RICTOR: variants seen among roughly 807,000 people sequenced by gnomAD.
RICTOR encodes the protein rapamycin-insensitive companion of mTOR.
RICTOR carries 49 observed loss-of-function variants against 214.9 expected under a neutral mutation model. The ratio of observed to expected loss-of-function variants is 0.23; its 90% CI spans 0.18 to 0.29. RICTOR has a LOEUF of 0.29. RICTOR is among the 10% of genes least tolerant of loss of function. The pLI is 1.00. For missense variants in RICTOR, 1,625 were observed against 2,047.0 expected, an observed-to-expected ratio of 0.79 and a Z score of 3.98; for synonymous variants, 717 against 711.3, an observed-to-expected ratio of 1.01 and a Z score of -0.13.
In RICTOR at chr5:39,056,523, C is replaced by G. The variant is rs544520298; in HGVS notation, c.97+17588G>C. 2.0e-5 allele frequency among the ~76,000 whole-genome samples: 3 copies of G among 152,092 alleles called. No homozygotes were observed. In the East Asian group the frequency reaches 5.8e-4, roughly 29 times the overall value. On this transcript the variant is annotated intron_variant, in intron 2 of 37. Transcript: ENST00000357387. ...TGGTGGCGTGTGCCTGTACTCCCAA[C>G]TACGTGGGGGTGCTGAAGTGACAGG... is the stretch of plus-strand genomic sequence containing the variant.
At chr5:39,046,028 A>AATAAATAAAT in intron 2 of RICTOR, among the ~76,000 whole-genome samples, 1 of 140,236 alleles carries the variant, frequency 7.1e-6, no homozygotes, top group South Asian at 2.3e-4. Flanking sequence ...TCTGTCTTTA[A>AATAAATAAAT]AAATAAATAA....
At chr5:39,032,798 T>C (rs1459114224) in intron 2 of RICTOR, among the ~76,000 whole-genome samples, 1 of 152,224 alleles carries the variant, frequency 6.6e-6, no homozygotes, top group Admixed American at 6.5e-5. Flanking sequence ...TGAGAGGCAA[T>C]GATACGGACA....
rs1243392061 is a variant in RICTOR, at chr5:38,996,925, A to G, written c.393-43T>C. On this transcript the variant is annotated intron_variant, in intron 5 of 37. Transcript: ENST00000357387. ...TATTAATCATTGATAAAATTCTATTAAACAACTTTTTGTATCACAATACTG... is the reference window on the plus strand; with the variant it reads ...TATTAATCATTGATAAAATTCTATTGAACAACTTTTTGTATCACAATACTG... 2.2e-6 allele frequency: 3 copies of G among 1,388,630 alleles called. No individual in the cohort carries two copies. The African/African-American group carries it at 4.2e-5, about 20-fold the overall frequency. 86.0% of individuals were successfully genotyped at this position (1,388,630 alleles called of 1,614,324 possible).
At chr5:39,038,805 T>G (rs562323244) in intron 2 of RICTOR, among the ~76,000 whole-genome samples, 2,576 of 151,944 alleles carry the variant, frequency 0.017, 66 homozygotes, top group African/African-American at 0.059. Flanking sequence ...CACTGCTCAA[T>G]GAAATAAAAG....
At chr5:39,027,007 T>A (rs1352742292) in intron 2 of RICTOR, among the ~76,000 whole-genome samples, 1 of 151,686 alleles carries the variant, frequency 6.6e-6, no homozygotes, top group Non-Finnish European at 1.5e-5. Flanking sequence ...AAACCCCATC[T>A]CAAAAAAATA....
intron 3 of RICTOR, among the ~76,000 whole-genome samples, chr5:39,015,630 G>A (rs918791294): frequency 4.0e-5 from 6 of 151,722 alleles, no homozygotes; most frequent in African/African-American, 1.5e-4. Flanking sequence ...ATAATCATCT[G>A]GCTCAATTTG....
At chr5:38,965,681 A>G (rs1037075511) in intron 15 of RICTOR, among the ~76,000 whole-genome samples, 3 of 152,052 alleles carry the variant, frequency 2.0e-5, no homozygotes, top group African/African-American at 7.2e-5. Context: ...GATGGGCCAA[A>G]AAAGAACAGA....
intron 3 of RICTOR, among the ~76,000 whole-genome samples, chr5:39,004,271 T>A (rs1275917422): frequency 1.3e-5 from 2 of 152,160 alleles, no homozygotes; most frequent in African/African-American, 4.8e-5. Flanking sequence ...TTTTCTTGGT[T>A]TTTATTTCTC....
intron 19 of RICTOR, among the ~76,000 whole-genome samples, chr5:38,961,313 A>G (rs910231345): frequency 3.9e-5 from 6 of 152,158 alleles, no homozygotes; most frequent in African/African-American, 1.4e-4. Flanking sequence ...TATTGTATTC[A>G]TGAAGAACTT....
At chr5:39,023,140 C>T (rs991758328) in intron 2 of RICTOR, among the ~76,000 whole-genome samples, 12 of 151,586 alleles carry the variant, frequency 7.9e-5, no homozygotes, top group African/African-American at 1.9e-4. Flanking sequence ...AAAAGGATAA[C>T]GGCGGATTTC....
At position 39,030,113 on chromosome 5, in the gene RICTOR, C is replaced by T. The variant is rs370391656; in HGVS notation, c.98-8977G>A. 8.5e-5 allele frequency among the ~76,000 whole-genome samples: 13 copies of T among 152,180 alleles called. No homozygotes were observed. In the South Asian group the frequency reaches 1.5e-3, roughly 17 times the overall value. On this transcript the variant is annotated intron_variant, in intron 2 of 37. Transcript: ENST00000357387. ...CAAACCATAAAGTGCTACACAAATA[C>T]TAGAAATTATGACCCTCTTCCTCTT... is the stretch of plus-strand genomic sequence containing the variant.
intron 2 of RICTOR, among the ~76,000 whole-genome samples, chr5:39,035,289 C>G (rs1478552686): frequency 1.3e-5 from 2 of 152,142 alleles, no homozygotes; most frequent in African/African-American, 4.8e-5. Context: ...AACTAACAAA[C>G]AGAAAGGACA....
chr5:39,043,804 A>C (rs80046745), intron 2 of RICTOR, among the ~76,000 whole-genome samples: 4 of 152,050 alleles, frequency 2.6e-5, no homozygotes, highest in Non-Finnish European at 5.9e-5. Flanking sequence ...TGGTGGCTTT[A>C]TAAGAAGAGA....
At chr5:39,051,936 T>C (rs541790135) in intron 2 of RICTOR, among the ~76,000 whole-genome samples, 10 of 152,240 alleles carry the variant, frequency 6.6e-5, no homozygotes, top group East Asian at 1.9e-4. Flanking sequence ...CTTTAAGATA[T>C]TGCAAGAGCA....
At chr5:38,945,167 C>T in intron 34 of RICTOR, 99 bp from the exon 35 acceptor site, 1 of 887,960 alleles carries the variant, frequency 1.1e-6, no homozygotes, top group Non-Finnish European at 1.7e-6. Context: ...ATAACATCTT[C>T]TCTAATTGTA....
At chr5:38,955,953 C>T (rs1259951865) in intron 25 of RICTOR, among the ~76,000 whole-genome samples, 1 of 151,984 alleles carries the variant, frequency 6.6e-6, no homozygotes, top group East Asian at 1.9e-4. Context: ...ACTGCACAGA[C>T]AATGCCAGTT....
chr5:39,010,087 G>A (rs1754385296), intron 3 of RICTOR, among the ~76,000 whole-genome samples: 1 of 152,092 alleles, frequency 6.6e-6, no homozygotes. Context: ...CTGAATCATG[G>A]GAGCAGTTTC....
chr5:38,944,866 C>G, intron 35 of RICTOR, 47 bp downstream of exon 35: 1 of 1,557,078 alleles, frequency 6.4e-7, no homozygotes. Flanking sequence ...ACCAACTAAT[C>G]AGAACAGTTT....
At chr5:38,946,598 C>A in intron 32 of RICTOR, 46 bp from the exon 33 acceptor site, 1 of 1,189,388 alleles carries the variant, frequency 8.4e-7, no homozygotes, top group South Asian at 1.3e-5. Context: ...TAAAAATAAG[C>A]CCACTTTATG....
Sources: allele counts gnomAD v4.1 joint callset (sites outside exome capture counted in the v4.1 genomes callset), GRCh38; gene constraint gnomAD v4.1.1; transcripts MANE v1.5; gene names NCBI Gene and HGNC (gene_info 2026-07-23, HGNC 2026-07-21).